Variants in GABRG3 observed in about 807,000 individuals in gnomAD.
GABRG3 encodes the protein gamma-aminobutyric acid type A receptor subunit gamma3.
In GABRG3, 25 loss-of-function variants were observed where a neutral mutation model predicts 48.8. The observed-to-expected ratio is 0.51, with a 90% CI of 0.37 to 0.72. The LOEUF (loss-of-function observed/expected upper bound fraction) is 0.72. Among genes scored for constraint, GABRG3 ranks in the 30% least tolerant of loss-of-function variants. The pLI is 0.00. For synonymous variants in GABRG3, 227 were observed against 217.6 expected, an observed-to-expected ratio of 1.04 and a Z score of -0.38; for missense variants, 394 against 577.9, an observed-to-expected ratio of 0.68 and a Z score of 3.26.
chr15:26,974,184 G>T lies in GABRG3; in HGVS notation c.53+2596G>T, dbSNP rs1335039220. ...TACCCAACCAGGCTACACAGCTGGG[G>T]CCCTGATATGCCTCCCAAAGGGGTG... On this transcript the variant is annotated intron_variant, in intron 1 of 9. Transcript: ENST00000615808. This position sits in a 1 kb window ranked among gnomAD's most constrained non-coding sequence, Gnocchi z 4.3. Among the ~76,000 whole-genome samples the T allele has an allele frequency of 6.6e-6, 1 of 152,156 alleles. No individual in the cohort carries two copies. Among genetic ancestry groups the T allele is most frequent in the African/African-American group, 2.4e-5 (1 of 41,434 alleles).
rs970208032 is a variant in GABRG3, at chr15:27,309,405, C to T, written c.271-17404C>T. On this transcript the variant is annotated intron_variant, in intron 3 of 9. Transcript: ENST00000615808. ...GTATTTCACAATGTATTTGGAAAGG[C>T]AGAGGGACTAGCCTATGCAAATCAG... 5.3e-5 allele frequency among the ~76,000 whole-genome samples: 8 copies of T among 151,638 alleles called. No homozygotes were observed. The Admixed American group carries it at 5.3e-4, about 10-fold the overall frequency.
chr15:27,520,957 C>T, intron 7 of GABRG3, among the ~76,000 whole-genome samples: 1 of 151,770 alleles, frequency 6.6e-6, no homozygotes, highest in East Asian at 1.9e-4. Flanking sequence ...ATTAATTAGC[C>T]TGTAATATCC....
chr15:27,094,977 A>G (rs1488242470), intron 3 of GABRG3, among the ~76,000 whole-genome samples: 1 of 152,176 alleles, frequency 6.6e-6, no homozygotes, highest in Non-Finnish European at 1.5e-5. Flanking sequence ...ATCTGTGTCT[A>G]TACCATAGTT....
At chr15:27,420,273 A>G (rs1198799512) in intron 5 of GABRG3, among the ~76,000 whole-genome samples, 1 of 152,272 alleles carries the variant, frequency 6.6e-6, no homozygotes, top group African/African-American at 2.4e-5. Context: ...AGAAAAATGC[A>G]GGAAAAAGAA....
intron 3 of GABRG3, among the ~76,000 whole-genome samples, chr15:27,146,047 A>C (rs1353466237): frequency 6.6e-6 from 1 of 152,188 alleles, no homozygotes; most frequent in East Asian, 1.9e-4. Context: ...AGACATCCCA[A>C]ATAAAAAAGA....
intron 2 of GABRG3, among the ~76,000 whole-genome samples, chr15:26,979,065 C>G (rs542887852): frequency 7.2e-5 from 11 of 152,194 alleles, no homozygotes; most frequent in African/African-American, 2.6e-4. Flanking sequence ...AGATTTATGA[C>G]TAAGTATTTT....
chr15:27,482,730 A>G (rs1461378193), intron 6 of GABRG3, among the ~76,000 whole-genome samples: 5 of 152,214 alleles, frequency 3.3e-5, no homozygotes, highest in Non-Finnish European at 4.4e-5. Context: ...GATTGTGCCA[A>G]GTTTTCAAGC....
At chr15:27,010,567 T>A (rs1178579123) in intron 2 of GABRG3, among the ~76,000 whole-genome samples, 6 of 152,196 alleles carry the variant, frequency 3.9e-5, no homozygotes, top group Admixed American at 3.9e-4. Flanking sequence ...GCCAACTTCA[T>A]GCTCTCAAGT....
At chr15:27,188,838 T>C (rs1888193025) in intron 3 of GABRG3, among the ~76,000 whole-genome samples, 1 of 151,982 alleles carries the variant, frequency 6.6e-6, no homozygotes, top group African/African-American at 2.4e-5. Context: ...CTAGGTTTTC[T>C]TCTAGGGTTT....
chr15:27,001,377 G>A (rs8023397), intron 2 of GABRG3, among the ~76,000 whole-genome samples: 45,048 of 152,088 alleles, frequency 0.3, 7,575 homozygotes, highest in South Asian at 0.43. Flanking sequence ...ACTGAGCACC[G>A]TCCAGCCAGT....
At chr15:27,434,752 A>T (rs1479397111) in intron 5 of GABRG3, among the ~76,000 whole-genome samples, 2 of 152,132 alleles carry the variant, frequency 1.3e-5, no homozygotes, top group East Asian at 3.9e-4. Flanking sequence ...GTAGGCAGGG[A>T]GTGGAAGGAG....
intron 3 of GABRG3, among the ~76,000 whole-genome samples, chr15:27,212,205 G>A (rs1043344034): frequency 6.6e-5 from 10 of 152,204 alleles, no homozygotes; most frequent in African/African-American, 1.4e-4. Context: ...AAGTGATTAC[G>A]GAAGCAGTAG....
At chr15:27,263,167 G>T (rs773322039) in intron 3 of GABRG3, among the ~76,000 whole-genome samples, 4 of 152,196 alleles carry the variant, frequency 2.6e-5, no homozygotes, top group Non-Finnish European at 4.4e-5. Context: ...TTCTCGGAAA[G>T]AAATCGATGA....
chr15:27,167,182 C>T (rs955449852), intron 3 of GABRG3, among the ~76,000 whole-genome samples: 1 of 152,196 alleles, frequency 6.6e-6, no homozygotes. Flanking sequence ...GGGATGACTG[C>T]AGATAGCCCA....
intron 6 of GABRG3, among the ~76,000 whole-genome samples, chr15:27,484,673 T>C (rs1267037084): frequency 2.6e-5 from 4 of 152,062 alleles, no homozygotes; most frequent in African/African-American, 9.7e-5. Flanking sequence ...CAGCAGTGAA[T>C]ATACAAGATG....
At chr15:27,081,664 A>G (rs1896994590) in intron 3 of GABRG3, among the ~76,000 whole-genome samples, 1 of 152,122 alleles carries the variant, frequency 6.6e-6, no homozygotes, top group African/African-American at 2.4e-5. Context: ...AGCTGGAGTA[A>G]ACACTGAGTG....
At chr15:27,388,409 A>G (rs1246310926) in intron 5 of GABRG3, among the ~76,000 whole-genome samples, 3 of 151,684 alleles carry the variant, frequency 2.0e-5, no homozygotes, top group Non-Finnish European at 2.9e-5. Context: ...AGGGGAAGGA[A>G]GGAAGGGGAT....
chr15:27,278,056 A>ATT (rs11367885), intron 3 of GABRG3, among the ~76,000 whole-genome samples: 8 of 144,370 alleles, frequency 5.5e-5, no homozygotes, highest in African/African-American at 2.0e-4. Context: ...AGCTCGATGC[A>ATT]TTTTTTTTTT....
chr15:27,211,070 G>C (rs1391169511), intron 3 of GABRG3, among the ~76,000 whole-genome samples: 1 of 152,180 alleles, frequency 6.6e-6, no homozygotes, highest in Non-Finnish European at 1.5e-5. Context: ...GTAGGAGCTA[G>C]AGGTAGAAAA....
Sources: gnomAD v4.1 joint callset for allele counts (sites outside exome capture counted in the v4.1 genomes callset) on GRCh38, gnomAD v4.1.1 for gene constraint, Gnocchi (gnomAD v3.1) non-coding constraint, MANE v1.5 for transcripts, NCBI Gene and HGNC (gene_info 2026-07-23, HGNC 2026-07-21) for gene names.